The following FAM135B variants were observed in gnomAD, a reference collection of about 807,000 sequenced individuals.
FAM135B encodes the protein protein FAM135B.
FAM135B carries 43 observed loss-of-function variants against 127.7 expected under a neutral mutation model. The ratio of observed to expected loss-of-function variants is 0.34; its 90% CI spans 0.26 to 0.43. FAM135B has a LOEUF of 0.43. Ranked by LOEUF, FAM135B falls within the 20% of genes least tolerant of loss-of-function variation. The probability of loss-of-function intolerance (pLI) is 1.00; values close to 1 mark genes in which losing one functional copy is unlikely to be tolerated. For synonymous variants in FAM135B, 670 were observed against 665.1 expected (o/e 1.01, Z -0.11); for missense variants, 1,558 against 1,725.6 (o/e 0.90, Z 1.72).
intron 2 of FAM135B, among the ~76,000 whole-genome samples, chr8:138,321,468 T>C (rs1827449130): frequency 6.6e-6 from 1 of 152,190 alleles, no homozygotes; most frequent in Non-Finnish European, 1.5e-5. Context: ...GATATGGGTG[T>C]GCCCACACGT....
Position 138,414,743 on chromosome 8 carries a change from T to C in FAM135B, c.-19-46741A>G, listed in dbSNP as rs561966119. On this transcript the variant is annotated intron_variant, in intron 1 of 19. Transcript: ENST00000395297. Reference sequence around the variant, plus strand: ...GACAGAGTCAAAGGGGAAGTGAAGATGGCTGTAGCACTTACCAGTCCCCCA... The same window carrying C: ...GACAGAGTCAAAGGGGAAGTGAAGACGGCTGTAGCACTTACCAGTCCCCCA... 5.9e-5 allele frequency among the ~76,000 whole-genome samples: 9 copies of C among 152,264 alleles called. No individual in the cohort carries two copies. The South Asian group carries it at 1.9e-3, about 32-fold the overall frequency.
At position 138,241,538 on chromosome 8, in the gene FAM135B, C is replaced by G. The variant is rs1820771556; in HGVS notation, c.669+1404G>C. On this transcript the variant is annotated intron_variant, in intron 7 of 19. Coordinates refer to ENST00000395297, the MANE Select transcript of FAM135B (RefSeq NM_015912.4). The surrounding 1 kb of genome is among the most constrained non-coding windows in gnomAD (Gnocchi z 4.8). Reference sequence around the variant, plus strand: ...CAGCTTTTGCCACCAGACCTCCTGGCTGGGTCTCAGAGCTAGCAAAGATAA... The same window carrying G: ...CAGCTTTTGCCACCAGACCTCCTGGGTGGGTCTCAGAGCTAGCAAAGATAA... Among the ~76,000 whole-genome samples, 1 of 152,148 alleles carries G rather than the reference C, an allele frequency of 6.6e-6. No homozygotes were observed. Among genetic ancestry groups the G allele is most frequent in the Admixed American group, 6.5e-5 (1 of 15,278 alleles).
At chr8:138,276,046 A>T (rs1413140584) in intron 3 of FAM135B, among the ~76,000 whole-genome samples, 1 of 152,164 alleles carries the variant, frequency 6.6e-6, no homozygotes, top group East Asian at 1.9e-4. Context: ...CCCAGAGTCC[A>T]CATCGATCCA....
At position 138,482,930 on chromosome 8, in the gene FAM135B, A is replaced by G. The variant is rs547228870; in HGVS notation, c.-20+13741T>C. 1.3e-5 allele frequency among the ~76,000 whole-genome samples: 2 copies of G among 152,216 alleles called. 1 individual carries two copies. Among genetic ancestry groups the G allele is most frequent in the East Asian group, 3.9e-4 (2 of 5,160 alleles). ...CTTCCATCCACCCACCCATGCACCC[A>G]TCCATCCATCTACCCAAGAATTCAT... On this transcript the variant is annotated intron_variant, in intron 1 of 19. Transcript: ENST00000395297.
chr8:138,274,135 T>C (rs1586940029), intron 3 of FAM135B, among the ~76,000 whole-genome samples: 1 of 152,208 alleles, frequency 6.6e-6, no homozygotes, highest in Non-Finnish European at 1.5e-5. Flanking sequence ...ATTCCTCTTT[T>C]CCACTCACTT....
intron 12 of FAM135B, among the ~76,000 whole-genome samples, chr8:138,153,723 G>A (rs541365136): frequency 4.7e-4 from 72 of 152,320 alleles, no homozygotes; most frequent in South Asian, 1.2e-3. Context: ...CTGCAAGGCA[G>A]CAGCGAGGCT....
intron 7 of FAM135B, among the ~76,000 whole-genome samples, chr8:138,226,467 G>A (rs749864145): frequency 2.0e-5 from 3 of 152,134 alleles, no homozygotes; most frequent in African/African-American, 7.2e-5. Context: ...GATGAGTAAC[G>A]CCAAAGAGTA....
chr8:138,438,733 C>A (rs886443350), intron 1 of FAM135B: 3 of 152,138 alleles, frequency 2.0e-5, no homozygotes, highest in African/African-American at 4.8e-5. Context: ...CAAAGACAGG[C>A]CAGGATGATC....
At chr8:138,134,485 G>T (rs558146902) in intron 19 of FAM135B, among the ~76,000 whole-genome samples, 1 of 152,162 alleles carries the variant, frequency 6.6e-6, no homozygotes, top group South Asian at 2.1e-4. Context: ...GCAATCACTG[G>T]TATATTTTTT....
chr8:138,218,034 C>T (rs1662070546), intron 7 of FAM135B, among the ~76,000 whole-genome samples: 1 of 152,188 alleles, frequency 6.6e-6, no homozygotes, highest in Non-Finnish European at 1.5e-5. Flanking sequence ...ACTCCCACCT[C>T]TTCACACTAA....
chr8:138,426,218 G>T (rs1481260186), intron 1 of FAM135B, among the ~76,000 whole-genome samples: 1 of 150,408 alleles, frequency 6.6e-6, no homozygotes, highest in Non-Finnish European at 1.5e-5. Flanking sequence ...TACCAAGGAA[G>T]ACTACATCAA....
At chr8:138,335,901 A>G (rs1484635624) in intron 2 of FAM135B, among the ~76,000 whole-genome samples, 1 of 152,236 alleles carries the variant, frequency 6.6e-6, no homozygotes, top group Non-Finnish European at 1.5e-5. Context: ...ATTATCACAA[A>G]CTGTCTCTCA....
At chr8:138,340,000 C>T (rs538818417) in intron 2 of FAM135B, among the ~76,000 whole-genome samples, 3 of 152,302 alleles carry the variant, frequency 2.0e-5, no homozygotes, top group Non-Finnish European at 2.9e-5. Flanking sequence ...GATCCCTGGA[C>T]GCCAGGCCTG....
At chr8:138,146,115 G>A in intron 14 of FAM135B, 65 bp from the exon 15 acceptor site, 4 of 797,986 alleles carry the variant, frequency 5.0e-6, no homozygotes, top group Non-Finnish European at 6.2e-6. Flanking sequence ...TGACACACGA[G>A]GAATTTCTTT....
chr8:138,407,054 CA>C (rs1422926310), intron 1 of FAM135B, among the ~76,000 whole-genome samples: 1 of 151,160 alleles, frequency 6.6e-6, no homozygotes, highest in Admixed American at 6.6e-5. Context: ...GCAACTTCAG[CA>C]GAGTCTCAGG....
At chr8:138,237,349 C>T (rs533057394) in intron 7 of FAM135B, among the ~76,000 whole-genome samples, 19 of 151,982 alleles carry the variant, frequency 1.3e-4, no homozygotes, top group African/African-American at 4.1e-4. Context: ...TTAGTAGAGA[C>T]GGGGTTTCTC....
intron 9 of FAM135B, among the ~76,000 whole-genome samples, chr8:138,188,247 C>T (rs1310342371): frequency 1.3e-5 from 2 of 152,176 alleles, no homozygotes; most frequent in Non-Finnish European, 2.9e-5. Flanking sequence ...GAGCCATTCA[C>T]CAAATTATTA....
intron 1 of FAM135B, among the ~76,000 whole-genome samples, chr8:138,464,921 G>A (rs937442156): frequency 1.2e-4 from 19 of 152,168 alleles, no homozygotes; most frequent in African/African-American, 4.3e-4. Context: ...AGACTTTTGC[G>A]AATGCAGAAG....
intron 1 of FAM135B, among the ~76,000 whole-genome samples, chr8:138,446,663 A>G (rs1292195637): frequency 6.6e-6 from 1 of 152,118 alleles, no homozygotes; most frequent in Non-Finnish European, 1.5e-5. Flanking sequence ...TTCAAGATGG[A>G]TTAAAGACTT....
Sources: allele counts gnomAD v4.1 joint callset (sites outside exome capture counted in the v4.1 genomes callset), GRCh38; gene constraint gnomAD v4.1.1; non-coding constraint Gnocchi (gnomAD v3.1); transcripts MANE v1.5; gene names NCBI Gene and HGNC (gene_info 2026-07-23, HGNC 2026-07-21).